CAMKMT: variants seen among roughly 807,000 people sequenced by gnomAD.
CAMKMT encodes the protein CaM KMT.
A neutral mutation model predicts 48.0 loss-of-function variants in CAMKMT; 53 were observed. That is an observed-to-expected ratio of 1.10 (90% confidence interval 0.89 to 1.39). CAMKMT has a LOEUF of 1.39. Ranked by LOEUF, CAMKMT falls within the 40% of genes most tolerant of loss-of-function variation. The pLI is 0.00. For synonymous variants in CAMKMT, 165 were observed against 152.3 expected, an observed-to-expected ratio of 1.08 and a Z score of -0.61; for missense variants, 428 against 402.7, an observed-to-expected ratio of 1.06 and a Z score of -0.54.
At chr2:44,389,055 G>T (rs1451011829) in intron 2 of CAMKMT, among the ~76,000 whole-genome samples, 3 of 152,104 alleles carry the variant, frequency 2.0e-5, no homozygotes, top group Admixed American at 2.0e-4. Flanking sequence ...GTGGTGGGCG[G>T]GGCCCTAGAC....
intron 3 of CAMKMT, among the ~76,000 whole-genome samples, chr2:44,403,396 G>A (rs1682563762): frequency 6.6e-6 from 1 of 152,168 alleles, no homozygotes; most frequent in South Asian, 2.1e-4. Context: ...CTGACAGGAT[G>A]GAGCAAGGGT....
rs767432718 is a variant in CAMKMT at position 44,754,125 on chromosome 2, A to G, written c.762+7A>G. 1 of 1,610,438 alleles carries G rather than the reference A, an allele frequency of 6.2e-7. No individual in the cohort carries two copies. Among genetic ancestry groups the G allele is most frequent in the Admixed American group, 1.7e-5 (1 of 60,014 alleles). On this transcript the variant is annotated splice_region_variant and intron_variant, in intron 9 of 10. Transcript: ENST00000378494. ...GAGATTACTCCAGCCCAGGGTAAGT[A>G]TGTTTCTATTTTCTCCTGAACACTG...
intron 10 of CAMKMT, among the ~76,000 whole-genome samples, chr2:44,770,375 C>T (rs114100977): frequency 0.036 from 5,433 of 152,304 alleles, 136 homozygotes; most frequent in Middle Eastern, 0.085. Flanking sequence ...ACTTTGGCCT[C>T]CAGAGGTCAG....
chr2:44,467,953 T>C (rs1334828271), intron 3 of CAMKMT, among the ~76,000 whole-genome samples: 1 of 152,108 alleles, frequency 6.6e-6, no homozygotes, highest in African/African-American at 2.4e-5. Context: ...GGGCAAAGAT[T>C]TTATGGCTAA....
At chr2:44,704,365 AT>A in intron 4 of CAMKMT, 22 bp downstream of exon 4, 8 of 1,519,550 alleles carry the variant, frequency 5.3e-6, no homozygotes, top group South Asian at 1.3e-5. Context: ...CACTTAAGAT[AT>A]TTTTTAGCCC....
chr2:44,425,265 C>A (rs921279709), intron 3 of CAMKMT, among the ~76,000 whole-genome samples: 1 of 152,048 alleles, frequency 6.6e-6, no homozygotes, highest in South Asian at 2.1e-4. Context: ...TACCAAAAGA[C>A]AACAATATTT....
intron 3 of CAMKMT, among the ~76,000 whole-genome samples, chr2:44,458,869 T>A (rs1667710377): frequency 6.6e-6 from 1 of 152,210 alleles, no homozygotes. Flanking sequence ...CTAAAGGCCA[T>A]ACGTAACTGT....
At chr2:44,363,307 A>AT (rs965165916) in intron 1 of CAMKMT, among the ~76,000 whole-genome samples, 76 of 152,154 alleles carry the variant, frequency 5.0e-4, no homozygotes, top group Non-Finnish European at 9.4e-4. Context: ...TAAATATCTA[A>AT]TTTTTTTTAA....
chr2:44,401,886 T>C (rs62135229), intron 3 of CAMKMT, among the ~76,000 whole-genome samples: 2 of 152,222 alleles, frequency 1.3e-5, no homozygotes, highest in Non-Finnish European at 2.9e-5. Context: ...ATTCATTTCA[T>C]TTCTTTTGTT....
chr2:44,481,870 A>G lies in CAMKMT; in HGVS notation c.376+91565A>G, dbSNP rs181026897. On this transcript the variant is annotated intron_variant, in intron 3 of 10. Coordinates refer to ENST00000378494, the MANE Select transcript of CAMKMT (RefSeq NM_024766.5). The stretch of plus-strand genomic sequence containing the variant: ...CATATGGGGAAAAAATGAGATATAT[A>G]GTTAAGTTTGAACAGCTTAGACTCA... 5.3e-4 allele frequency among the ~76,000 whole-genome samples: 81 copies of G among 152,206 alleles called. No homozygotes were observed. The South Asian group carries it at 6.2e-3, about 12-fold the overall frequency.
intron 3 of CAMKMT, among the ~76,000 whole-genome samples, chr2:44,524,528 T>G (rs1381618877): frequency 1.3e-5 from 2 of 152,144 alleles, no homozygotes; most frequent in African/African-American, 4.8e-5. Context: ...TCCTTTCTTT[T>G]TTTTCTTCCT....
chr2:44,439,479 A>G (rs1417792022), intron 3 of CAMKMT, among the ~76,000 whole-genome samples: 1 of 151,884 alleles, frequency 6.6e-6, no homozygotes, highest in South Asian at 2.1e-4. Flanking sequence ...TTATAGAAAA[A>G]CTTTTTGGTA....
At chr2:44,540,269 A>T (rs1249894785) in intron 3 of CAMKMT, among the ~76,000 whole-genome samples, 1 of 151,892 alleles carries the variant, frequency 6.6e-6, no homozygotes, top group Non-Finnish European at 1.5e-5. Flanking sequence ...ATTGTCCCAG[A>T]TTTTGTCTGT....
chr2:44,681,638 A>T (rs1676027526), intron 3 of CAMKMT, among the ~76,000 whole-genome samples: 1 of 151,770 alleles, frequency 6.6e-6, no homozygotes, highest in African/African-American at 2.4e-5. Context: ...GTACAATGAG[A>T]TCGAATCTTT....
chr2:44,558,034 TATTC>T lies in CAMKMT; in HGVS notation c.377-146212_377-146209del, dbSNP rs60843994. 2.5e-3 allele frequency among the ~76,000 whole-genome samples: 362 copies of T among 143,974 alleles called. 1 individual carries two copies. Among genetic ancestry groups the T allele is most frequent in the East Asian group, 8.0e-3 (41 of 5,102 alleles). The allele number at this position is 143,974 out of a possible 152,430, so 94.5% of individuals were successfully genotyped here. A position where few individuals can be genotyped will look rare whatever the true frequency, so the allele number is the denominator to read the frequency against. On this transcript the variant is annotated intron_variant, in intron 3 of 10. Transcript: ENST00000378494. ...CTATTGTGAGTTTTATTTATTTATTTATTCATTCATTCATTCATTCATTCATTCA... is the reference window on the plus strand; with the variant it reads ...CTATTGTGAGTTTTATTTATTTATTTATTCATTCATTCATTCATTCATTCA...
chr2:44,476,649 C>G (rs1163126435), intron 3 of CAMKMT, among the ~76,000 whole-genome samples: 1 of 94,526 alleles, frequency 1.1e-5, no homozygotes, highest in Non-Finnish European at 2.3e-5. Context: ...AACTAAATTA[C>G]TTTGTGAAAA....
chr2:44,615,892 G>A (rs189685155), intron 3 of CAMKMT, among the ~76,000 whole-genome samples: 1 of 152,174 alleles, frequency 6.6e-6, no homozygotes, highest in East Asian at 1.9e-4. Context: ...AGACATGCAG[G>A]CATTCATCCC....
At chr2:44,406,539 G>T (rs1455647480) in intron 3 of CAMKMT, among the ~76,000 whole-genome samples, 1 of 151,842 alleles carries the variant, frequency 6.6e-6, no homozygotes, top group African/African-American at 2.4e-5. Flanking sequence ...CTTTTTTGTT[G>T]TTGTTGTTTT....
At chr2:44,462,121 C>G (rs974306550) in intron 3 of CAMKMT, among the ~76,000 whole-genome samples, 2 of 151,952 alleles carry the variant, frequency 1.3e-5, no homozygotes, top group Non-Finnish European at 2.9e-5. Context: ...GGGGCTTTCT[C>G]CTGTACATGG....
Sources: gnomAD v4.1 joint callset for allele counts (sites outside exome capture counted in the v4.1 genomes callset) on GRCh38, gnomAD v4.1.1 for gene constraint, MANE v1.5 for transcripts, NCBI Gene and HGNC (gene_info 2026-07-23, HGNC 2026-07-21) for gene names.